FHOD3: variants seen among roughly 807,000 people sequenced by gnomAD.
FHOD3 encodes formin homology 2 domain containing 3.
A neutral mutation model predicts 173.0 loss-of-function variants in FHOD3; 90 were observed. The observed-to-expected ratio is 0.52, with a 90% CI of 0.44 to 0.62. The LOEUF (loss-of-function observed/expected upper bound fraction) is 0.62, where lower values mean the gene tolerates loss of function less well. Among genes scored for constraint, FHOD3 ranks in the 20% least tolerant of loss-of-function variants. The pLI is 0.00. For missense variants in FHOD3, 1,945 were observed against 2,034.7 expected, an observed-to-expected ratio of 0.96 and a Z score of 0.85; for synonymous variants, 828 against 823.0, an observed-to-expected ratio of 1.01 and a Z score of -0.10.
rs555676724 is a variant in FHOD3 at position 36,762,613 on chromosome 18, C to T, written c.4624+1831C>T. ...GGAGTTCAAGACCAGTCTGGCCAAC[C>T]GGGTGAAACCCTGTCTCTACTAAAA... On this transcript the variant is annotated intron_variant, in intron 27 of 28. Coordinates refer to ENST00000590592, the MANE Select transcript of FHOD3 (RefSeq NM_001281740.3). Among the ~76,000 whole-genome samples the T allele has an allele frequency of 5.1e-4, 77 of 152,036 alleles. 1 individual carries two copies. Among genetic ancestry groups the T allele is most frequent in the African/African-American group, 1.7e-3 (72 of 41,486 alleles).
intron 1 of FHOD3, among the ~76,000 whole-genome samples, chr18:36,326,933 C>T (rs565999267): frequency 6.6e-6 from 1 of 152,328 alleles, no homozygotes; most frequent in Admixed American, 6.5e-5. Context: ...GTTTTCTCAG[C>T]TCGGACTTTG....
intron 3 of FHOD3, among the ~76,000 whole-genome samples, chr18:36,408,936 T>G (rs2049205810): frequency 6.6e-6 from 1 of 152,074 alleles, no homozygotes; most frequent in African/African-American, 2.4e-5. Flanking sequence ...GTTGACCAGG[T>G]CATGGAATCA....
At position 36,718,376 on chromosome 18, in the gene FHOD3, A is replaced by G; in HGVS notation, c.3078A>G (p.Pro1026=). ...REAPGPPPPP[P]PTFLGLPPPP... is the part of the protein sequence containing the mutation. ...CCCCTGGGCCACCTCCCCCACCCCC[A>G]CCCACCTTTCTGGGTTTGCCGCCCC... is the stretch of plus-strand genomic sequence containing the variant. Residue 1026 remains proline (P), a synonymous_variant, in exon 19 of 29, where the codon CCA becomes CCG. Coordinates refer to ENST00000590592, the MANE Select transcript of FHOD3 (RefSeq NM_001281740.3). 2.2e-6 allele frequency: 1 copy of G among 459,320 alleles called. No individual in the cohort carries two copies. The highest frequency in any genetic ancestry group is 3.2e-6 in the Non-Finnish European group (1 of 308,550). The allele number at this position is 459,320 out of a possible 1,614,324, so 28.5% of individuals were successfully genotyped here.
intron 5 of FHOD3, among the ~76,000 whole-genome samples, chr18:36,517,628 A>G (rs536377794): frequency 6.6e-6 from 1 of 152,352 alleles, no homozygotes; most frequent in African/African-American, 2.4e-5. Flanking sequence ...CTAAACCAAA[A>G]TACCAATTAA....
rs146945464 is a variant in FHOD3, at chr18:36,470,290, A to G, written c.338-31642A>G. Among the ~76,000 whole-genome samples the G allele has an allele frequency of 3.4e-3, 518 of 152,326 alleles. 5 individuals carry two copies. Among genetic ancestry groups the G allele is most frequent in the African/African-American group, 0.011 (463 of 41,572 alleles). On this transcript the variant is annotated intron_variant, in intron 3 of 28. Coordinates refer to ENST00000590592, the MANE Select transcript of FHOD3 (RefSeq NM_001281740.3). ...ATGCCTATCACACAGAAGATGCTCA[A>G]TAAATATTAGTGACATGAATGAGTG...
Position 36,514,638 on chromosome 18 carries a change from T to TCCC in FHOD3, c.511+2097_511+2099dup, listed in dbSNP as rs553052797. ...TTTAACATTACCAAAAAATAAGTTA[T>TCCC]CCCCAACACACAGAGACACACCTCT... On this transcript the variant is annotated intron_variant, in intron 5 of 28. Transcript: ENST00000590592. 2.1e-4 allele frequency among the ~76,000 whole-genome samples: 32 copies of TCCC among 152,346 alleles called. No individual in the cohort carries two copies. The East Asian group carries it at 6.0e-3, about 28-fold the overall frequency.
At chr18:36,663,676 A>G (rs2036962463) in intron 14 of FHOD3, among the ~76,000 whole-genome samples, 1 of 152,152 alleles carries the variant, frequency 6.6e-6, no homozygotes, top group Non-Finnish European at 1.5e-5. Context: ...CCCCTTGAAC[A>G]CCTATCTCCA....
intron 19 of FHOD3, among the ~76,000 whole-genome samples, chr18:36,723,797 A>G (rs2040914031): frequency 6.6e-6 from 1 of 152,210 alleles, no homozygotes; most frequent in African/African-American, 2.4e-5. Context: ...GCATCCTCTG[A>G]TACTAGTAAA....
intron 5 of FHOD3, among the ~76,000 whole-genome samples, chr18:36,576,029 A>T (rs2058635339): frequency 6.6e-6 from 1 of 152,224 alleles, no homozygotes; most frequent in Non-Finnish European, 1.5e-5. Context: ...AGACTTGCTG[A>T]CCACAGACTG....
intron 23 of FHOD3, among the ~76,000 whole-genome samples, chr18:36,745,816 GA>G (rs1261416111): frequency 2.3e-5 from 3 of 130,986 alleles, no homozygotes; most frequent in Non-Finnish European, 4.8e-5. Context: ...ACTTCCTGCT[GA>G]CCCCCGTGTA....
At chr18:36,441,881 A>AT (rs1458469165) in intron 3 of FHOD3, among the ~76,000 whole-genome samples, 4 of 152,280 alleles carry the variant, frequency 2.6e-5, no homozygotes, top group African/African-American at 4.8e-5. Flanking sequence ...ACGTTGCATG[A>AT]TTTTTTTAAA....
At chr18:36,475,900 A>T (rs1409057216) in intron 3 of FHOD3, among the ~76,000 whole-genome samples, 2 of 152,158 alleles carry the variant, frequency 1.3e-5, no homozygotes, top group Non-Finnish European at 2.9e-5. Flanking sequence ...ACACATATAA[A>T]CTAATGCTCT....
At chr18:36,562,323 A>G (rs1012599135) in intron 5 of FHOD3, among the ~76,000 whole-genome samples, 3 of 152,158 alleles carry the variant, frequency 2.0e-5, no homozygotes, top group African/African-American at 7.2e-5. Context: ...GGCCATGACA[A>G]CTACACTGGA....
intron 3 of FHOD3, among the ~76,000 whole-genome samples, chr18:36,376,370 T>G (rs2047440850): frequency 6.6e-6 from 1 of 152,224 alleles, no homozygotes; most frequent in African/African-American, 2.4e-5. Flanking sequence ...TGGCGATTGA[T>G]TCTCTGGGTT....
At chr18:36,754,136 C>T (rs1447907547) in intron 24 of FHOD3, among the ~76,000 whole-genome samples, 1 of 152,132 alleles carries the variant, frequency 6.6e-6, no homozygotes, top group East Asian at 1.9e-4. Context: ...ACTTTATTTT[C>T]TTCTAAGAGT....
rs76960148 is a variant in FHOD3 at position 36,457,080 on chromosome 18, G to C, written c.338-44852G>C. Among the ~76,000 whole-genome samples, 659 of 152,144 alleles carry C rather than the reference G, an allele frequency of 4.3e-3. 18 individuals carry two copies. The highest frequency in any genetic ancestry group is 0.043 in the East Asian group (221 of 5,168). On this transcript the variant is annotated intron_variant, in intron 3 of 28. Coordinates refer to ENST00000590592, the MANE Select transcript of FHOD3 (RefSeq NM_001281740.3). ...TCCAGCAGGTGGGAAGGTGAGAAGTGAGAGGAAAAGCCCATAATGTTTTGG... is the reference window on the plus strand; with the variant it reads ...TCCAGCAGGTGGGAAGGTGAGAAGTCAGAGGAAAAGCCCATAATGTTTTGG...
intron 15 of FHOD3, among the ~76,000 whole-genome samples, chr18:36,686,778 C>T (rs2038648191): frequency 6.6e-6 from 1 of 152,120 alleles, no homozygotes; most frequent in Non-Finnish European, 1.5e-5. Context: ...CTAATCACCT[C>T]CAAAAGCTAT....
Position 36,740,736 on chromosome 18 carries a change from G to C in FHOD3, c.3657G>C (p.Leu1219=). The C allele has an allele frequency of 6.2e-7, 1 of 1,613,960 alleles. No individual in the cohort carries two copies. Among genetic ancestry groups the C allele is most frequent in the South Asian group, 1.1e-5 (1 of 91,060 alleles). ...EAQLANPEIP[L]GSAEQFLLTL... ...AGCTGGCCAACCCTGAAATCCCCCT[G>C]GGCAGTGCAGAGCAGTTCCTCCTCA... Residue 1219 remains leucine (L), a synonymous_variant, in exon 21 of 29, where the codon CTG becomes CTC. Coordinates refer to ENST00000590592, the MANE Select transcript of FHOD3 (RefSeq NM_001281740.3).
intron 19 of FHOD3, among the ~76,000 whole-genome samples, chr18:36,725,366 C>T (rs568263669): frequency 1.8e-4 from 28 of 152,290 alleles, no homozygotes; most frequent in African/African-American, 6.3e-4. Flanking sequence ...GAGAACCAGG[C>T]ACCTAACAGC....
Sources: allele counts gnomAD v4.1 joint callset (sites outside exome capture counted in the v4.1 genomes callset), GRCh38; gene constraint gnomAD v4.1.1; transcripts MANE v1.5; gene names NCBI Gene and HGNC (gene_info 2026-07-23, HGNC 2026-07-21).